POLM: variants seen among roughly 807,000 people sequenced by gnomAD.
POLM encodes the protein DNA polymerase mu.
A neutral mutation model predicts 56.7 loss-of-function variants in POLM; 52 were observed. The ratio of observed to expected loss-of-function variants is 0.92; its 90% confidence interval spans 0.73 to 1.15. The LOEUF (loss-of-function observed/expected upper bound fraction) is 1.15. POLM is among the 50% of genes most tolerant of loss of function. POLM has a pLI of 0.00. For missense variants in POLM, 660 were observed against 663.6 expected (o/e 0.99, Z 0.06); for synonymous variants, 273 against 274.3 (o/e 1.00, Z 0.05).
chr7:44,074,042 G>A lies in POLM; in HGVS notation c.1072-17C>T, dbSNP rs2096176240. 1.9e-6 allele frequency: 3 copies of A among 1,611,536 alleles called. No homozygotes were observed. The highest frequency in any genetic ancestry group is 1.7e-6 in the Non-Finnish European group (2 of 1,179,832). On this transcript the variant is annotated splice_polypyrimidine_tract_variant and intron_variant, in intron 8 of 10. Transcript: ENST00000242248. Reference sequence around the variant, plus strand: ...GATGAGGCCCTGTGGGGAGAGGCGGGCGTGGCTGAGACCATCCGGTGGTGT... The same window carrying A: ...GATGAGGCCCTGTGGGGAGAGGCGGACGTGGCTGAGACCATCCGGTGGTGT...
Position 44,076,677 on chromosome 7 carries a change from A to G in POLM, c.715-48T>C, listed in dbSNP as rs774236616. On this transcript the variant is annotated intron_variant, in intron 5 of 10. Transcript: ENST00000242248. Reference sequence around the variant, plus strand: ...GGTTGGGCAGAGCTCTCATGGCTAGACTCGGATGATCACCCGCTCCGGGAC... The same window carrying G: ...GGTTGGGCAGAGCTCTCATGGCTAGGCTCGGATGATCACCCGCTCCGGGAC... 3.1e-6 allele frequency: 5 copies of G among 1,602,970 alleles called. No homozygotes were observed. The South Asian group carries it at 5.5e-5, about 18-fold the overall frequency.
intron 4 of POLM, among the ~76,000 whole-genome samples, chr7:44,079,041 A>C (rs1022223910): frequency 6.6e-6 from 1 of 152,196 alleles, no homozygotes; most frequent in Admixed American, 6.5e-5. Context: ...CTCCAGCCTC[A>C]AAGCTCCTTC....
At chr7:44,073,601 T>C in intron 10 of POLM, 24 bp downstream of exon 10, 2 of 1,612,126 alleles carry the variant, frequency 1.2e-6, no homozygotes, top group Non-Finnish European at 1.7e-6. Flanking sequence ...TGCTGTTTGC[T>C]GTCCCCAGTC....
In POLM at chr7:44,073,712, T is replaced by C; in HGVS notation, c.1315-4A>G. 1.2e-6 allele frequency: 2 copies of C among 1,614,122 alleles called. No homozygotes were observed. The highest frequency in any genetic ancestry group is 1.7e-6 in the Non-Finnish European group (2 of 1,179,998). Reference sequence around the variant, plus strand: ...GGCGCAGCTCCCGCTGGAAAAGCTGTAGGGAAGGGATTGTCCTCAGCAGGG... The same window carrying C: ...GGCGCAGCTCCCGCTGGAAAAGCTGCAGGGAAGGGATTGTCCTCAGCAGGG... On this transcript the variant is annotated splice_polypyrimidine_tract_variant and splice_region_variant and intron_variant, in intron 9 of 10. Coordinates refer to ENST00000242248, the MANE Select transcript of POLM (RefSeq NM_013284.4).
At chr7:44,082,016 A>C (rs1269170710) in intron 1 of POLM, among the ~76,000 whole-genome samples, 1 of 152,128 alleles carries the variant, frequency 6.6e-6, no homozygotes, top group Non-Finnish European at 1.5e-5. Context: ...AAGTGCTGGG[A>C]TTACAGGCGT....
rs779318969 is a variant in POLM, at chr7:44,073,255, C to T, written c.*36G>A. Reference sequence around the variant, plus strand: ...TTCAGTGGCCAGGTTGGGGGCAGCCCAATTTCCTGAGTGGAAGTGGGGGAC... The same window carrying T: ...TTCAGTGGCCAGGTTGGGGGCAGCCTAATTTCCTGAGTGGAAGTGGGGGAC... On this transcript the variant is annotated 3_prime_UTR_variant, in exon 11 of 11. Transcript: ENST00000242248. The T allele has an allele frequency of 6.8e-6, 11 of 1,614,120 alleles. No homozygotes were observed. In the East Asian group the frequency reaches 2.5e-4, roughly 36 times the overall value.
rs1450040812 is a variant in POLM at position 44,076,548 on chromosome 7, G to A, written c.796C>T (p.Arg266Ter). 14 of 1,613,992 alleles carry A rather than the reference G, an allele frequency of 8.7e-6. No homozygotes were observed. In the East Asian group the frequency reaches 1.1e-4, roughly 13 times the overall value. ...TGGGTTAGTTTCTGGGGCTGCTCTCGGAGGTCATCTAAGGTTCGCAGTCCT... is the reference window on the plus strand; with the variant it reads ...TGGGTTAGTTTCTGGGGCTGCTCTCAGAGGTCATCTAAGGTTCGCAGTCCT... ...REGLRTLDDL[R>*]EQPQKLTQQQ... Residue 266 changes from arginine to a stop codon, truncating the protein, a stop_gained, in exon 6 of 11, where the codon CGA becomes TGA. Coordinates refer to ENST00000242248, the MANE Select transcript of POLM (RefSeq NM_013284.4). LOFTEE classifies it high-confidence loss of function.
At chr7:44,076,286 G>A in intron 6 of POLM, 1 of 507,918 alleles carries the variant, frequency 2.0e-6, no homozygotes, top group Non-Finnish European at 3.5e-6. Flanking sequence ...GCAGACACAA[G>A]CCCCTGGCAT....
rs2096170871 is a variant in POLM at position 44,072,351 on chromosome 7, A to G, written c.*940T>C. The G allele has an allele frequency of 6.6e-6, 1 of 152,160 alleles. No homozygotes were observed. The highest frequency in any genetic ancestry group is 6.5e-5 in the Admixed American group (1 of 15,272). The allele number at this position is 152,160 out of a possible 1,614,324, so 9.4% of individuals were successfully genotyped here. A position where few individuals can be genotyped will look rare whatever the true frequency, so the allele number is the denominator to read the frequency against. ...CAAGGCCTGAAGAAGGGGAGGGCCCACTCCAGGTAGATGACATGGCCAGGG... is the reference window on the plus strand; with the variant it reads ...CAAGGCCTGAAGAAGGGGAGGGCCCGCTCCAGGTAGATGACATGGCCAGGG... On this transcript the variant is annotated 3_prime_UTR_variant, in exon 11 of 11. Coordinates refer to ENST00000242248, the MANE Select transcript of POLM (RefSeq NM_013284.4).
chr7:44,078,825 C>G lies in POLM; in HGVS notation c.643-14G>C, dbSNP rs1243177514. On this transcript the variant is annotated splice_polypyrimidine_tract_variant and intron_variant, in intron 4 of 10. Transcript: ENST00000242248. ...CTCCAGCAGCTCCTGGGGGAGGGAA[C>G]AAAGCAGAACTCTAAGCCTGAGGGC... The G allele has an allele frequency of 4.3e-6, 7 of 1,609,790 alleles. No individual in the cohort carries two copies. In the African/African-American group the frequency reaches 8.0e-5, roughly 18 times the overall value.
chr7:44,078,407 C>T (rs1353186503), intron 5 of POLM: 4 of 259,528 alleles, frequency 1.5e-5, no homozygotes, highest in South Asian at 5.4e-5. Context: ...TCAAGGCTGC[C>T]GTGAGCTGTG....
At chr7:44,076,917 C>A (rs907226981) in intron 5 of POLM, 1 of 323,530 alleles carries the variant, frequency 3.1e-6, no homozygotes, top group South Asian at 5.7e-5. Flanking sequence ...CACCCTAACA[C>A]ATCAGCACGA....
intron 5 of POLM, chr7:44,078,452 C>A: frequency 2.4e-6 from 1 of 421,974 alleles, no homozygotes; most frequent in Non-Finnish European, 4.4e-6. Flanking sequence ...GGCGACAGAG[C>A]GAGACCCTGT....
chr7:44,080,916 G>A lies in POLM; in HGVS notation c.189C>T (p.Ser63=). 6.4e-7 allele frequency: 1 copy of A among 1,560,534 alleles called. No individual in the cohort carries two copies. The highest frequency in any genetic ancestry group is 1.4e-5 in the African/African-American group (1 of 73,604). The change falls in exon 2 of 11, where the codon AGC becomes AGT. Residue 63 remains serine, a splice_region_variant and synonymous_variant. Coordinates refer to ENST00000242248, the MANE Select transcript of POLM (RefSeq NM_013284.4). ...SKGFRVLDAC[S]SEATHVVMEE... ...CCATCACAACATGTGTCGCTTCGGA[G>A]CTGGTGGAGGGAGTTGGGAGAGAAG...
intron 6 of POLM, chr7:44,075,771 G>C (rs1049542766): frequency 6.7e-6 from 1 of 148,514 alleles, no homozygotes; most frequent in African/African-American, 2.5e-5. Flanking sequence ...TCAGGCTGGA[G>C]TGCAGTGGCT....
intron 5 of POLM, chr7:44,076,849 C>G: frequency 1.8e-6 from 1 of 562,562 alleles, no homozygotes; most frequent in African/African-American, 1.9e-5. Flanking sequence ...CCTCTCCTCT[C>G]CTCTATGAAA....
rs760675229 is a variant in POLM, at chr7:44,074,160, G to A, written c.1042C>T (p.Pro348Ser). The stretch of plus-strand genomic sequence containing the variant: ...TCCTGCAGGCGGCACATCACTCTAG[G>A]CAGCAGCCCCGCCTCCTGACCCTCC... ...PKEGQEAGLL[P>S]RVMCRLQDQG... is the part of the protein sequence containing the mutation. Residue 348 changes from proline (P) to serine (S), a missense_variant, in exon 8 of 11, where the codon CCT (proline) becomes TCT (serine). Coordinates refer to ENST00000242248, the MANE Select transcript of POLM (RefSeq NM_013284.4). 6.2e-6 allele frequency: 10 copies of A among 1,603,978 alleles called. No individual in the cohort carries two copies. Among genetic ancestry groups the A allele is most frequent in the Middle Eastern group, 1.6e-4 (1 of 6,066 alleles).
At chr7:44,081,563 G>A (rs2096200010) in intron 1 of POLM, among the ~76,000 whole-genome samples, 1 of 152,062 alleles carries the variant, frequency 6.6e-6, no homozygotes, top group South Asian at 2.1e-4. Flanking sequence ...CCTTACTCTG[G>A]GTGTTGTCTC....
chr7:44,076,324 G>A lies in POLM; in HGVS notation c.835+185C>T, dbSNP rs763174012. The A allele has an allele frequency of 9.9e-5, 62 of 623,674 alleles. No homozygotes were observed. The Middle Eastern group carries it at 1.3e-3, about 13-fold the overall frequency. 38.6% of individuals were successfully genotyped at this position (623,674 alleles called of 1,614,324 possible). Reference sequence around the variant, plus strand: ...CATGGAAGTTGCTGTGGTCAGCATCGTCCACTGAGAAAAGGCTTTGATAGA... The same window carrying A: ...CATGGAAGTTGCTGTGGTCAGCATCATCCACTGAGAAAAGGCTTTGATAGA... On this transcript the variant is annotated intron_variant, in intron 6 of 10. Transcript: ENST00000242248.
Sources: gnomAD v4.1 joint callset for allele counts (sites outside exome capture counted in the v4.1 genomes callset) on GRCh38, gnomAD v4.1.1 for gene constraint, MANE v1.5 for transcripts, NCBI Gene and HGNC (gene_info 2026-07-23, HGNC 2026-07-21) for gene names.